Variants in SHANK2 observed in about 807,000 individuals in gnomAD.
SHANK2 encodes SH3 and multiple ankyrin repeat domains protein 2.
In SHANK2, 43 loss-of-function variants were observed where a neutral mutation model predicts 133.7. The observed-to-expected ratio is 0.32, with a 90% CI of 0.25 to 0.41. The LOEUF (loss-of-function observed/expected upper bound fraction) is 0.41, where lower values mean the gene tolerates loss of function less well. Ranked by LOEUF, SHANK2 falls within the 10% of genes least tolerant of loss-of-function variation. The pLI, the probability that SHANK2 is intolerant of heterozygous loss-of-function variation, is 1.00. For synonymous variants in SHANK2, 1,017 were observed against 952.8 expected, an observed-to-expected ratio of 1.07 and a Z score of -1.24; for missense variants, 1,994 against 2,235.8, an observed-to-expected ratio of 0.89 and a Z score of 2.18.
At chr11:71,198,725 G>C (rs1555116608) in intron 2 of SHANK2, among the ~76,000 whole-genome samples, 1 of 152,186 alleles carries the variant, frequency 6.6e-6, no homozygotes, top group Non-Finnish European at 1.5e-5. Flanking sequence ...TGTACTGGAG[G>C]TTCAAAATCC....
At chr11:71,153,606 A>AAACC (rs1344410625) in intron 2 of SHANK2, among the ~76,000 whole-genome samples, 1 of 152,182 alleles carries the variant, frequency 6.6e-6, no homozygotes, top group African/African-American at 2.4e-5. Context: ...AACAAACAAA[A>AAACC]AACCTCACGG....
At chr11:71,234,558 C>G (rs1954800351) in intron 1 of SHANK2, among the ~76,000 whole-genome samples, 1 of 152,032 alleles carries the variant, frequency 6.6e-6, no homozygotes, top group Non-Finnish European at 1.5e-5. Flanking sequence ...GTGCTGGACT[C>G]CGAGTCGGGG....
chr11:71,148,435 T>G (rs2135409467), intron 2 of SHANK2, among the ~76,000 whole-genome samples: 1 of 152,290 alleles, frequency 6.6e-6, no homozygotes, highest in South Asian at 2.1e-4. Context: ...CCATCCACTA[T>G]TTGGTGGCTG....
At chr11:70,695,639 G>A (rs1405504056) in intron 15 of SHANK2, among the ~76,000 whole-genome samples, 3 of 152,264 alleles carry the variant, frequency 2.0e-5, no homozygotes, top group Middle Eastern at 3.4e-3. Context: ...AGATCAGGCC[G>A]CATACTCAGG....
intron 11 of SHANK2, among the ~76,000 whole-genome samples, chr11:70,846,642 C>T (rs965695069): frequency 2.6e-5 from 4 of 152,168 alleles, no homozygotes; most frequent in African/African-American, 9.7e-5. Context: ...ACTCCACAGA[C>T]CCCAGGTGCC....
At chr11:70,933,236 A>T (rs1354652520) in intron 10 of SHANK2, 4 of 456,282 alleles carry the variant, frequency 8.8e-6, no homozygotes. Context: ...AACCTTGAGG[A>T]CACTGTACTG....
chr11:71,120,034 G>GA (rs1952054321), intron 3 of SHANK2, among the ~76,000 whole-genome samples: 1 of 152,136 alleles, frequency 6.6e-6, no homozygotes, highest in African/African-American at 2.4e-5. Flanking sequence ...AGCAATTACG[G>GA]AAAAACGATT....
rs1454459041 is a variant in SHANK2, at chr11:70,468,721, C to T, written c.*4148G>A. On this transcript the variant is annotated 3_prime_UTR_variant, in exon 26 of 26. Transcript: ENST00000601538. ...AGCGGGAGAGCTTGAGGGTGAACTA[C>T]AAAAGATATGAGGACTGGAATTTTT... 3 of 152,080 alleles carry T rather than the reference C, an allele frequency of 2.0e-5. No homozygotes were observed. Among genetic ancestry groups the T allele is most frequent in the African/African-American group, 4.8e-5 (2 of 41,392 alleles). The allele number at this position is 152,080 out of a possible 1,614,324, so 9.4% of individuals were successfully genotyped here. A position where few individuals can be genotyped will look rare whatever the true frequency, so the allele number is the denominator to read the frequency against.
At chr11:70,718,734 C>T (rs987488264) in intron 14 of SHANK2, among the ~76,000 whole-genome samples, 1 of 146,910 alleles carries the variant, frequency 6.8e-6, no homozygotes, top group Non-Finnish European at 1.5e-5. Context: ...CCTGAATGTC[C>T]ATCATGGCCC....
intron 17 of SHANK2, among the ~76,000 whole-genome samples, chr11:70,616,843 G>A (rs925661384): frequency 1.2e-3 from 180 of 152,278 alleles, no homozygotes; most frequent in African/African-American, 4.0e-3. Context: ...GGCGTCCCCC[G>A]ACAGGGGCCG....
At chr11:70,503,401 T>C (rs2059089381) in intron 17 of SHANK2, among the ~76,000 whole-genome samples, 1 of 152,208 alleles carries the variant, frequency 6.6e-6, no homozygotes, top group African/African-American at 2.4e-5. Flanking sequence ...TTCTCATGTA[T>C]TCTGGGAATG....
At chr11:70,610,761 A>C (rs1191800552) in intron 17 of SHANK2, among the ~76,000 whole-genome samples, 2 of 152,038 alleles carry the variant, frequency 1.3e-5, no homozygotes, top group African/African-American at 4.8e-5. Flanking sequence ...AAAACCAGGC[A>C]CCCCTGCCGG....
intron 15 of SHANK2, among the ~76,000 whole-genome samples, chr11:70,682,550 G>C (rs1322134212): frequency 2.0e-5 from 3 of 152,244 alleles, no homozygotes; most frequent in Non-Finnish European, 2.9e-5. Flanking sequence ...GTGGGACCAG[G>C]AGGATGATAT....
intron 17 of SHANK2, among the ~76,000 whole-genome samples, chr11:70,616,446 T>C (rs782173656): frequency 6.6e-6 from 1 of 151,922 alleles, no homozygotes; most frequent in Non-Finnish European, 1.5e-5. Context: ...AGGATGTGAA[T>C]TCGAGTGCTA....
intron 3 of SHANK2, among the ~76,000 whole-genome samples, chr11:71,133,358 C>T (rs1256380996): frequency 1.4e-5 from 1 of 72,980 alleles, no homozygotes; most frequent in African/African-American, 4.7e-5. Flanking sequence ...GGCTGGCTGG[C>T]TGGCTGGCTG....
intron 10 of SHANK2, among the ~76,000 whole-genome samples, chr11:70,949,783 G>T (rs1020948042): frequency 6.6e-6 from 1 of 152,254 alleles, no homozygotes; most frequent in Non-Finnish European, 1.5e-5. Flanking sequence ...AGGTTGGCCT[G>T]TTCCTACGGT....
At position 70,497,786 on chromosome 11, in the gene SHANK2, C is replaced by T. The variant is rs530797359; in HGVS notation, c.2308+2784G>A. 2.2e-4 allele frequency among the ~76,000 whole-genome samples: 34 copies of T among 152,348 alleles called. No individual in the cohort carries two copies. The East Asian group carries it at 3.1e-3, about 14-fold the overall frequency. On this transcript the variant is annotated intron_variant, in intron 21 of 25. Transcript: ENST00000601538. The stretch of plus-strand genomic sequence containing the variant: ...GGAGTCACCAAATCGAGGAGTGACA[C>T]GACCCCAGCGTCCATGCCGAGGCTG...
intron 11 of SHANK2, among the ~76,000 whole-genome samples, chr11:70,884,276 G>A (rs1193506755): frequency 1.3e-5 from 2 of 152,230 alleles, no homozygotes; most frequent in Non-Finnish European, 2.9e-5. Context: ...CTAAAGTCCT[G>A]CAATGCGTGG....
At chr11:70,582,880 T>C (rs1845728197) in intron 17 of SHANK2, among the ~76,000 whole-genome samples, 1 of 152,052 alleles carries the variant, frequency 6.6e-6, no homozygotes, top group South Asian at 2.1e-4. Flanking sequence ...GGGTGGGGTG[T>C]GCGTGTCTGA....
Sources: gnomAD v4.1 joint callset for allele counts (sites outside exome capture counted in the v4.1 genomes callset) on GRCh38, gnomAD v4.1.1 for gene constraint, MANE v1.5 for transcripts, NCBI Gene and HGNC (gene_info 2026-07-23, HGNC 2026-07-21) for gene names.